The following HTR1F variants were observed in gnomAD, a reference collection of about 807,000 sequenced individuals.
HTR1F encodes 5-hydroxytryptamine receptor 1F.
In HTR1F, 17 loss-of-function variants were observed where a neutral mutation model predicts 24.0. The ratio of observed to expected loss-of-function variants is 0.71; its 90% CI spans 0.48 to 1.06. The LOEUF is 1.06. HTR1F is among the 50% of genes least tolerant of loss of function. HTR1F has a pLI of 0.00. For synonymous variants in HTR1F, 186 were observed against 156.8 expected, an observed-to-expected ratio of 1.19 and a Z score of -1.39; for missense variants, 391 against 427.8, an observed-to-expected ratio of 0.91 and a Z score of 0.76.
chr3:87,907,881 A>C (rs1293634860), intron 2 of HTR1F, among the ~76,000 whole-genome samples: 1 of 151,984 alleles, frequency 6.6e-6, no homozygotes, highest in Admixed American at 6.6e-5. Flanking sequence ...CAAAAGAAAG[A>C]GGCATCAGCA....
rs1705887922 is a variant in HTR1F at position 87,993,767 on chromosome 3, C to T, written c.*1917C>T. ...AAAAAGTCTACAGTCAATTTTATTGCTGACGATGGGTAATCACTGATACTT... is the reference window on the plus strand; with the variant it reads ...AAAAAGTCTACAGTCAATTTTATTGTTGACGATGGGTAATCACTGATACTT... On this transcript the variant is annotated 3_prime_UTR_variant, in exon 3 of 3. Transcript: ENST00000319595. 1.2e-5 allele frequency: 2 copies of T among 166,976 alleles called. No homozygotes were observed. Among genetic ancestry groups the T allele is most frequent in the South Asian group, 2.1e-4 (1 of 4,830 alleles). The allele number at this position is 166,976 out of a possible 1,614,324, so 10.3% of individuals were successfully genotyped here. A position where few individuals can be genotyped will look rare whatever the true frequency, so the allele number is the denominator to read the frequency against.
At chr3:87,844,987 T>C (rs1704906780) in intron 2 of HTR1F, among the ~76,000 whole-genome samples, 3 of 151,948 alleles carry the variant, frequency 2.0e-5, no homozygotes, top group Non-Finnish European at 4.4e-5. Flanking sequence ...GCTTTGTTCT[T>C]TTGGCTTGTA....
chr3:87,912,218 AAAATT>A (rs1395504660), intron 2 of HTR1F, among the ~76,000 whole-genome samples: 1 of 152,120 alleles, frequency 6.6e-6, no homozygotes, highest in Admixed American at 6.6e-5. Flanking sequence ...AAACTTTAGC[AAAATT>A]TCATGATACA....
At chr3:87,855,037 T>A (rs961844488) in intron 2 of HTR1F, among the ~76,000 whole-genome samples, 1 of 152,192 alleles carries the variant, frequency 6.6e-6, no homozygotes, top group Admixed American at 6.6e-5. Context: ...CATTGTTATC[T>A]TCCCCCCACT....
At chr3:87,813,839 G>A (rs1180944265) in intron 1 of HTR1F, among the ~76,000 whole-genome samples, 1 of 152,086 alleles carries the variant, frequency 6.6e-6, no homozygotes, top group Non-Finnish European at 1.5e-5. Flanking sequence ...CACCATATAG[G>A]ATATACCTGC....
At chr3:87,813,730 G>A (rs769516821) in intron 1 of HTR1F, among the ~76,000 whole-genome samples, 1 of 152,130 alleles carries the variant, frequency 6.6e-6, no homozygotes, top group African/African-American at 2.4e-5. Context: ...GATTATGGGG[G>A]TCATTCCCCC....
At chr3:87,823,516 A>ATTTTTT (rs199538588) in intron 2 of HTR1F, among the ~76,000 whole-genome samples, 4 of 139,336 alleles carry the variant, frequency 2.9e-5, no homozygotes, top group African/African-American at 1.1e-4. Flanking sequence ...CTGGTCCCAT[A>ATTTTTT]TTTTTTTTTT....
chr3:87,984,411 T>C (rs1203631927), intron 2 of HTR1F, among the ~76,000 whole-genome samples: 2 of 152,054 alleles, frequency 1.3e-5, no homozygotes, highest in African/African-American at 4.8e-5. Context: ...TGTCCAGGGA[T>C]AGATTTTTCT....
At chr3:87,808,644 T>C (rs1704111323) in intron 1 of HTR1F, among the ~76,000 whole-genome samples, 1 of 151,928 alleles carries the variant, frequency 6.6e-6, no homozygotes, top group African/African-American at 2.4e-5. Context: ...TTTCTTTCTT[T>C]CTACTTATTT....
intron 2 of HTR1F, among the ~76,000 whole-genome samples, chr3:87,931,682 C>T (rs1386121744): frequency 6.6e-6 from 1 of 151,980 alleles, no homozygotes; most frequent in Non-Finnish European, 1.5e-5. Flanking sequence ...AAAAGTGTTC[C>T]TATTTCTGCA....
At chr3:87,903,470 G>T (rs1706380422) in intron 2 of HTR1F, among the ~76,000 whole-genome samples, 1 of 151,962 alleles carries the variant, frequency 6.6e-6, no homozygotes, top group Non-Finnish European at 1.5e-5. Context: ...CAAAGGACAT[G>T]AACAGACACT....
intron 2 of HTR1F, among the ~76,000 whole-genome samples, chr3:87,838,215 G>T (rs1272852411): frequency 6.6e-6 from 1 of 152,124 alleles, no homozygotes; most frequent in East Asian, 1.9e-4. Flanking sequence ...AGGAATTGAT[G>T]CAGGAAGTGG....
intron 2 of HTR1F, among the ~76,000 whole-genome samples, chr3:87,962,783 C>T (rs1705088974): frequency 6.6e-6 from 1 of 151,948 alleles, no homozygotes; most frequent in Non-Finnish European, 1.5e-5. Context: ...TGACAATTTA[C>T]TTTGTCCTTG....
At chr3:87,861,703 A>ATG (rs1407461907) in intron 2 of HTR1F, among the ~76,000 whole-genome samples, 1 of 152,150 alleles carries the variant, frequency 6.6e-6, no homozygotes, top group African/African-American at 2.4e-5. Flanking sequence ...TTTTCATTGC[A>ATG]TGATGAAAAT....
chr3:87,982,176 G>T (rs758035887), intron 2 of HTR1F, among the ~76,000 whole-genome samples: 18 of 152,126 alleles, frequency 1.2e-4, no homozygotes, highest in Non-Finnish European at 2.5e-4. Flanking sequence ...ACCCACCTTG[G>T]CCTCCCAAAA....
At chr3:87,831,140 C>T (rs940273656) in intron 2 of HTR1F, among the ~76,000 whole-genome samples, 31 of 151,626 alleles carry the variant, frequency 2.0e-4, no homozygotes, top group African/African-American at 7.5e-4. Flanking sequence ...TCTAAGTATA[C>T]CCTAAATAAC....
At chr3:87,952,595 T>C (rs573361925) in intron 2 of HTR1F, among the ~76,000 whole-genome samples, 2 of 152,138 alleles carry the variant, frequency 1.3e-5, no homozygotes, top group Admixed American at 6.5e-5. Context: ...GGAAATGATA[T>C]CTTCACGTAG....
chr3:87,954,637 T>C (rs1704905388), intron 2 of HTR1F, among the ~76,000 whole-genome samples: 1 of 151,682 alleles, frequency 6.6e-6, no homozygotes, highest in Non-Finnish European at 1.5e-5. Context: ...AAACTACATT[T>C]GTTGTTAATG....
chr3:87,932,508 G>A (rs1182026384), intron 2 of HTR1F, among the ~76,000 whole-genome samples: 1 of 152,072 alleles, frequency 6.6e-6, no homozygotes, highest in Non-Finnish European at 1.5e-5. Flanking sequence ...TTTTGGCTTA[G>A]GATTGACTTG....
Sources: gnomAD v4.1 joint callset for allele counts (sites outside exome capture counted in the v4.1 genomes callset) on GRCh38, gnomAD v4.1.1 for gene constraint, MANE v1.5 for transcripts, NCBI Gene and HGNC (gene_info 2026-07-23, HGNC 2026-07-21) for gene names.